Variants in KANK1 observed in about 807,000 individuals in gnomAD.
KANK1 encodes KN motif and ankyrin repeat domains 1.
A neutral mutation model predicts 106.2 loss-of-function variants in KANK1; 109 were observed. The observed-to-expected ratio is 1.03, with a 90% CI of 0.88 to 1.20. KANK1 has a LOEUF of 1.20. Among genes scored for constraint, KANK1 ranks in the 50% most tolerant of loss-of-function variants. KANK1 has a pLI of 0.00. For missense variants in KANK1, 2,399 were observed against 1,710.7 expected (o/e 1.40, Z -7.10); for synonymous variants, 873 against 652.2 (o/e 1.34, Z -5.16).
chr9:711,594 G>A lies in KANK1; in HGVS notation c.828G>A (p.Glu276=), dbSNP rs1254076757. The A allele has an allele frequency of 6.2e-7, 1 of 1,614,144 alleles. No homozygotes were observed. The highest frequency in any genetic ancestry group is 2.2e-5 in the East Asian group (1 of 44,874). ...QMAIALKRLK[E]LEEQVRTIPV... ...CCATTGCTCTGAAACGCCTGAAGGA[G>A]CTGGAGGAGCAGGTGCGAACCATCC... Residue 276 remains glutamate, a synonymous_variant, in exon 3 of 12, where the codon GAG becomes GAA. Coordinates refer to ENST00000382297, the MANE Select transcript of KANK1 (RefSeq NM_015158.5).
At chr9:599,436 C>T (rs1339471970) in intron 1 of KANK1, among the ~76,000 whole-genome samples, 1 of 151,790 alleles carries the variant, frequency 6.6e-6, no homozygotes, top group Non-Finnish European at 1.5e-5. Context: ...GTTTGATATA[C>T]ATCCTTCTAC....
upstream of KANK1, among the ~76,000 whole-genome samples, chr9:503,292 C>T (rs1320747897): frequency 2.0e-5 from 3 of 151,896 alleles, no homozygotes; most frequent in Admixed American, 6.6e-5. Flanking sequence ...ATCCAAATGC[C>T]CTACTCTACA....
At chr9:608,034 A>ATTATTATT (rs550990252) in intron 1 of KANK1, among the ~76,000 whole-genome samples, 2 of 115,354 alleles carry the variant, frequency 1.7e-5, no homozygotes, top group Non-Finnish European at 3.3e-5. Flanking sequence ...TATTATTATT[A>ATTATTATT]TTTTTTTTTT....
intron 1 of KANK1, among the ~76,000 whole-genome samples, chr9:568,917 T>TA (rs544295133): frequency 1.5e-3 from 230 of 152,348 alleles, no homozygotes; most frequent in South Asian, 6.4e-3. Flanking sequence ...TTATATCTTT[T>TA]AAAAATGGGA....
At chr9:738,168 C>G in intron 7 of KANK1, 117 bp from the exon 8 acceptor site, 2 of 796,414 alleles carry the variant, frequency 2.5e-6, no homozygotes, top group Non-Finnish European at 4.0e-6. Context: ...TTTTTGAGAG[C>G]AGATTCTAAC....
chr9:696,484 T>C (rs996469435), intron 2 of KANK1, among the ~76,000 whole-genome samples: 1 of 152,036 alleles, frequency 6.6e-6, no homozygotes, highest in Non-Finnish European at 1.5e-5. Context: ...AAAAATGAGG[T>C]ATCTGGGTTG....
rs552572906 is a variant in KANK1 at position 744,495 on chromosome 9, G to A, written c.3902G>A (p.Gly1301Asp). ...TTCTTTCCATCTTATCTTAAGGATG[G>A]CAGCACTGCGCTCTCAATCGCCCTG... The part of the protein sequence containing the change: ...GCNGHLEDND[G>D]STALSIALEA... Residue 1301 changes from glycine (G) to aspartate (D), a missense_variant, in exon 11 of 12, where the codon GGC becomes GAC. By Grantham distance (94) the Gly-to-Asp change is moderately conservative (BLOSUM62 -1). Coordinates refer to ENST00000382297, the MANE Select transcript of KANK1 (RefSeq NM_015158.5). 6.8e-6 allele frequency: 11 copies of A among 1,613,052 alleles called. No individual in the cohort carries two copies. The highest frequency in any genetic ancestry group is 1.7e-5 in the Admixed American group (1 of 59,974).
At position 652,473 on chromosome 9, in the gene KANK1, A is replaced by G. The variant is rs146322488; in HGVS notation, c.-83-24417A>G. Among the ~76,000 whole-genome samples, 1,306 of 152,336 alleles carry G rather than the reference A, an allele frequency of 8.6e-3. 20 individuals carry two copies. Among genetic ancestry groups the G allele is most frequent in the African/African-American group, 0.029 (1,204 of 41,562 alleles). On this transcript the variant is annotated intron_variant, in intron 1 of 11. Transcript: ENST00000382297. ...GGTAGGCAGAGTTTGCAGTGAGCCG[A>G]GATCGTGCCATTGCACTCCAGCCTG...
chr9:529,961 TAATCTTTACC>T (rs920499629), intron 1 of KANK1, among the ~76,000 whole-genome samples: 5 of 152,256 alleles, frequency 3.3e-5, no homozygotes, highest in Non-Finnish European at 7.3e-5. Context: ...TGACATTTCT[TAATCTTTACC>T]AATCTGTTAA....
intron 1 of KANK1, among the ~76,000 whole-genome samples, chr9:577,540 C>T (rs913587466): frequency 3.3e-5 from 5 of 152,162 alleles, no homozygotes; most frequent in Non-Finnish European, 7.4e-5. Flanking sequence ...AGTCCGCACC[C>T]GACCCAGAAG....
intron 7 of KANK1, among the ~76,000 whole-genome samples, chr9:736,580 T>G (rs901205746): frequency 6.6e-6 from 1 of 151,956 alleles, no homozygotes; most frequent in Non-Finnish European, 1.5e-5. Flanking sequence ...GTACCCATGG[T>G]CCTAGCTACT....
chr9:552,161 G>T (rs1342338811), intron 1 of KANK1, among the ~76,000 whole-genome samples: 3 of 152,330 alleles, frequency 2.0e-5, no homozygotes, highest in African/African-American at 4.8e-5. Context: ...CGAATTGTCT[G>T]TGTGAAGATT....
At chr9:530,853 T>TGG (rs1208901955) in intron 1 of KANK1, among the ~76,000 whole-genome samples, 1 of 152,076 alleles carries the variant, frequency 6.6e-6, no homozygotes, top group Non-Finnish European at 1.5e-5. Context: ...CCAGACGTGG[T>TGG]GGGGCATGCC....
intron 1 of KANK1, among the ~76,000 whole-genome samples, chr9:622,085 G>A (rs936133178): frequency 6.6e-6 from 1 of 152,128 alleles, no homozygotes; most frequent in Non-Finnish European, 1.5e-5. Context: ...GCTTTTGTTC[G>A]TTTGTTGTGT....
chr9:484,123 G>A (rs1295041868), intron 3 of KANK1, among the ~76,000 whole-genome samples: 1 of 152,198 alleles, frequency 6.6e-6, no homozygotes, highest in East Asian at 1.9e-4. Context: ...CTTGTGAGCT[G>A]AGGGCAGCTA....
At chr9:702,825 C>G (rs993642146) in intron 2 of KANK1, among the ~76,000 whole-genome samples, 4 of 152,164 alleles carry the variant, frequency 2.6e-5, no homozygotes, top group African/African-American at 9.7e-5. Context: ...CTTGGCATTC[C>G]TTCAGCAGCA....
At chr9:684,369 C>T in intron 2 of KANK1, 1 of 985,354 alleles carries the variant, frequency 1.0e-6, no homozygotes, top group Non-Finnish European at 1.2e-6. Context: ...GGATTTTTGC[C>T]TGGTACCAAC....
At chr9:523,815 C>T (rs942332960) in intron 1 of KANK1, among the ~76,000 whole-genome samples, 3 of 113,416 alleles carry the variant, frequency 2.6e-5, no homozygotes, top group African/African-American at 1.6e-4. Context: ...CGCTTGGCCT[C>T]TTCTTTTTTT....
intron 1 of KANK1, among the ~76,000 whole-genome samples, chr9:605,253 A>G (rs1375730122): frequency 2.1e-5 from 3 of 146,258 alleles, no homozygotes; most frequent in Admixed American, 7.1e-5. Flanking sequence ...GTGAGCCCAG[A>G]TTGAACCACT....
Sources: allele counts gnomAD v4.1 joint callset (sites outside exome capture counted in the v4.1 genomes callset), GRCh38; gene constraint gnomAD v4.1.1; transcripts MANE v1.5; gene names NCBI Gene and HGNC (gene_info 2026-07-23, HGNC 2026-07-21).